ARNT: variants seen among roughly 807,000 people sequenced by gnomAD.
ARNT encodes the protein aryl hydrocarbon receptor nuclear translocator.
In ARNT, 30 loss-of-function variants were observed where a neutral mutation model predicts 105.0. That is an observed-to-expected ratio of 0.29 (90% CI 0.21 to 0.39). The LOEUF is 0.39. ARNT is among the 10% of genes least tolerant of loss of function. ARNT has a pLI of 1.00. For synonymous variants in ARNT, 304 were observed against 344.0 expected, an observed-to-expected ratio of 0.88 and a Z score of 1.29; for missense variants, 748 against 978.7, an observed-to-expected ratio of 0.76 and a Z score of 3.15.
Position 150,810,914 on chromosome 1 carries a change from A to T in ARNT, c.*1107T>A. On this transcript the variant is annotated 3_prime_UTR_variant, in exon 22 of 22. Transcript: ENST00000358595. ...AACTGGGTATTTTGAGTATGGGATG[A>T]AAGAGGCTACTTTGCAAGAGGGCTT... The T allele has an allele frequency of 4.4e-6, 1 of 227,160 alleles. No homozygotes were observed. Among genetic ancestry groups the T allele is most frequent in the Non-Finnish European group, 8.8e-6 (1 of 113,934 alleles). 14.1% of individuals were successfully genotyped at this position (227,160 alleles called of 1,614,324 possible).
chr1:150,825,313 T>C (rs1219266469), intron 13 of ARNT, among the ~76,000 whole-genome samples: 1 of 152,230 alleles, frequency 6.6e-6, no homozygotes, highest in Admixed American at 6.5e-5. Context: ...ATGTGTTTTA[T>C]ATTCATTACC....
intron 15 of ARNT, 104 bp downstream of exon 15, chr1:150,817,813 CAAA>C (rs35672926): frequency 1.5e-3 from 1,017 of 683,060 alleles, no homozygotes; most frequent in African/African-American, 3.9e-3. Context: ...AACTCCTTCT[CAAA>C]AAAAAAAAAA....
chr1:150,863,482 G>A (rs1666020743), intron 1 of ARNT, among the ~76,000 whole-genome samples: 1 of 152,036 alleles, frequency 6.6e-6, no homozygotes, highest in South Asian at 2.1e-4. Flanking sequence ...AAAGAAGGCA[G>A]GCAACCAGCC....
chr1:150,814,798 G>A (rs587642399), intron 19 of ARNT, among the ~76,000 whole-genome samples: 23 of 152,184 alleles, frequency 1.5e-4, no homozygotes, highest in Admixed American at 1.2e-3. Context: ...AGCCAAGATC[G>A]CGCCACTGCA....
Position 150,829,099 on chromosome 1 carries a change from C to T in ARNT, c.1161G>A (p.Gln387=). 6.2e-7 allele frequency: 1 copy of T among 1,614,010 alleles called. No individual in the cohort carries two copies. The highest frequency in any genetic ancestry group is 1.1e-5 in the South Asian group (1 of 91,054). ...DHRCVATVGY[Q]PQELLGKNIV... Reference sequence around the variant, plus strand: ...TGGAGCTCCAGCTCCTCACCTGTGGCTGGTAGCCAACAGTAGCCACACAGC... The same window carrying T: ...TGGAGCTCCAGCTCCTCACCTGTGGTTGGTAGCCAACAGTAGCCACACAGC... The change falls in exon 12 of 22, where the codon CAG becomes CAA. Residue 387 remains glutamine (Q), a synonymous_variant. Transcript: ENST00000358595.
chr1:150,846,537 G>C (rs1274882559), intron 3 of ARNT, among the ~76,000 whole-genome samples: 1 of 152,054 alleles, frequency 6.6e-6, no homozygotes, highest in African/African-American at 2.4e-5. Flanking sequence ...ACCAAAAAAA[G>C]ATGATGATCT....
intron 1 of ARNT, among the ~76,000 whole-genome samples, chr1:150,870,974 C>T (rs912854551): frequency 1.3e-5 from 2 of 151,584 alleles, no homozygotes; most frequent in Non-Finnish European, 2.9e-5. Context: ...TGAGACCAGC[C>T]GGGGCAATAT....
chr1:150,819,063 C>G (rs189421154), intron 14 of ARNT, among the ~76,000 whole-genome samples: 1 of 152,100 alleles, frequency 6.6e-6, no homozygotes, highest in East Asian at 1.9e-4. Flanking sequence ...TTTACAAGTT[C>G]TAAAGACTGA....
At chr1:150,835,415 G>C (rs1471255690) in intron 7 of ARNT, among the ~76,000 whole-genome samples, 2 of 151,994 alleles carry the variant, frequency 1.3e-5, no homozygotes, top group Non-Finnish European at 2.9e-5. Flanking sequence ...GACCAGTCTG[G>C]GCAACAGACA....
Position 150,834,481 on chromosome 1 carries a change from A to G in ARNT, c.803+57T>C, listed in dbSNP as rs1039282219. On this transcript the variant is annotated intron_variant, in intron 8 of 21. Coordinates refer to ENST00000358595, the MANE Select transcript of ARNT (RefSeq NM_001668.4). ...TCCAACTTAACTCTGACAGAAATAA[A>G]ACTCTCAGCTCTTGATCCTTCCTAT... 68 of 1,542,134 alleles carry G rather than the reference A, an allele frequency of 4.4e-5. No homozygotes were observed. In the South Asian group the frequency reaches 6.8e-4, roughly 16 times the overall value.
chr1:150,813,007 C>A (rs996225713), intron 21 of ARNT, among the ~76,000 whole-genome samples, 165 bp downstream of exon 21: 1 of 152,218 alleles, frequency 6.6e-6, no homozygotes, highest in African/African-American at 2.4e-5. Context: ...CTTCTGCAAT[C>A]TTTTCAATAA....
intron 19 of ARNT, among the ~76,000 whole-genome samples, chr1:150,815,408 C>T (rs1655624467): frequency 1.3e-5 from 2 of 151,350 alleles, no homozygotes; most frequent in East Asian, 2.0e-4. Flanking sequence ...ATTAGCCAGG[C>T]GTGGTGGCGA....
At position 150,853,101 on chromosome 1, in the gene ARNT, T is replaced by C. The variant is rs587645647; in HGVS notation, c.138-295A>G. On this transcript the variant is annotated intron_variant, in intron 2 of 21. Transcript: ENST00000358595. ...TTCGAGATCAGCCTGGCCAACATGCTGAAACCCCATCTCTACTAAAAATAC... is the reference window on the plus strand; with the variant it reads ...TTCGAGATCAGCCTGGCCAACATGCCGAAACCCCATCTCTACTAAAAATAC... 98 of 364,150 alleles carry C rather than the reference T, an allele frequency of 2.7e-4. 1 individual carries two copies. Among genetic ancestry groups the C allele is most frequent in the Admixed American group, 5.1e-4 (12 of 23,624 alleles). The allele number at this position is 364,150 out of a possible 1,614,324, so 22.6% of individuals were successfully genotyped here. A position where few individuals can be genotyped will look rare whatever the true frequency, so the allele number is the denominator to read the frequency against.
At chr1:150,873,736 T>C (rs1195362093) in intron 1 of ARNT, among the ~76,000 whole-genome samples, 2 of 151,864 alleles carry the variant, frequency 1.3e-5, no homozygotes, top group Non-Finnish European at 2.9e-5. Context: ...CTGGGCAACA[T>C]AGCAAGATCC....
rs1031753349 is a variant in ARNT, at chr1:150,810,780, C to T, written c.*1241G>A. 3.2e-5 allele frequency: 7 copies of T among 222,074 alleles called. No individual in the cohort carries two copies. Among genetic ancestry groups the T allele is most frequent in the African/African-American group, 6.7e-5 (3 of 44,664 alleles). 13.8% of individuals were successfully genotyped at this position (222,074 alleles called of 1,614,324 possible). ...GGGTGTCCAGGCCCCATCTATCATA[C>T]GGAATTATGATACTTGCACTCTAAA... On this transcript the variant is annotated 3_prime_UTR_variant, in exon 22 of 22. Transcript: ENST00000358595.
At chr1:150,822,243 C>A (rs1467720582) in intron 14 of ARNT, among the ~76,000 whole-genome samples, 1 of 151,958 alleles carries the variant, frequency 6.6e-6, no homozygotes, top group Non-Finnish European at 1.5e-5. Flanking sequence ...CAATTAAAAT[C>A]TTTGGAATCT....
intron 1 of ARNT, among the ~76,000 whole-genome samples, chr1:150,860,309 G>A (rs587616154): frequency 1.1e-4 from 16 of 143,894 alleles, no homozygotes; most frequent in Non-Finnish European, 9.0e-5. Flanking sequence ...TCCAACTCTC[G>A]GGTTCAAGTG....
chr1:150,812,992 T>C (rs1376134506), intron 21 of ARNT, among the ~76,000 whole-genome samples, 180 bp downstream of exon 21: 1 of 152,166 alleles, frequency 6.6e-6, no homozygotes, highest in Non-Finnish European at 1.5e-5. Context: ...CACCACTGCA[T>C]CTAGCTTCTG....
intron 1 of ARNT, among the ~76,000 whole-genome samples, chr1:150,867,546 C>A (rs763479338): frequency 6.6e-6 from 1 of 151,960 alleles, no homozygotes; most frequent in Non-Finnish European, 1.5e-5. Flanking sequence ...AGAGAGATAT[C>A]TTTTAAATAG....
Sources: allele counts gnomAD v4.1 joint callset (sites outside exome capture counted in the v4.1 genomes callset), GRCh38; gene constraint gnomAD v4.1.1; transcripts MANE v1.5; gene names NCBI Gene and HGNC (gene_info 2026-07-23, HGNC 2026-07-21).